The following ARMC8 variants were observed in gnomAD, a reference collection of about 807,000 sequenced individuals.
ARMC8 encodes the protein armadillo repeat containing 8, also known as armadillo repeat-containing protein 8.
A neutral mutation model predicts 99.3 loss-of-function variants in ARMC8; 20 were observed. That is an observed-to-expected ratio of 0.20 (90% confidence interval 0.14 to 0.29). ARMC8 has a LOEUF of 0.29. Ranked by LOEUF, ARMC8 falls within the 10% of genes least tolerant of loss-of-function variation. The probability of loss-of-function intolerance (pLI) is 1.00; values close to 1 mark genes in which losing one functional copy is unlikely to be tolerated. For synonymous variants in ARMC8, 263 were observed against 278.3 expected (o/e 0.95, Z 0.55); for missense variants, 569 against 809.5 (o/e 0.70, Z 3.60).
chr3:138,262,913 T>A (rs2047897266), intron 12 of ARMC8, among the ~76,000 whole-genome samples: 1 of 152,208 alleles, frequency 6.6e-6, no homozygotes, highest in African/African-American at 2.4e-5. Flanking sequence ...AGCTGTGTGA[T>A]TACAGGAAAG....
chr3:138,281,173 G>A (rs1427115489), intron 18 of ARMC8, among the ~76,000 whole-genome samples: 2 of 151,746 alleles, frequency 1.3e-5, no homozygotes, highest in Non-Finnish European at 2.9e-5. Context: ...ATTTCCAGTT[G>A]TTCATATTAG....
At chr3:138,246,395 A>G (rs971239842) in intron 12 of ARMC8, 4 of 985,202 alleles carry the variant, frequency 4.1e-6, no homozygotes, top group Admixed American at 6.2e-5. Context: ...CAAAGCAAAC[A>G]TACTAGTGAT....
At chr3:138,209,984 A>T (rs750209677) in intron 2 of ARMC8, 91 bp downstream of exon 2, 1 of 923,102 alleles carries the variant, frequency 1.1e-6, no homozygotes. Flanking sequence ...ATACAGGGTT[A>T]TACCTTTTTT....
At position 138,289,035 on chromosome 3, in the gene ARMC8, T is replaced by C. The variant is rs2050700176; in HGVS notation, c.1822-13T>C. 6.2e-7 allele frequency: 1 copy of C among 1,606,780 alleles called. No individual in the cohort carries two copies. The highest frequency in any genetic ancestry group is 1.7e-5 in the Admixed American group (1 of 59,090). On this transcript the variant is annotated splice_polypyrimidine_tract_variant and intron_variant, in intron 19 of 21. Coordinates refer to ENST00000469044, the MANE Select transcript of ARMC8 (RefSeq NM_001363941.2). Reference sequence around the variant, plus strand: ...CACCATTTTGATTTTTTTTTCTTTTTCTGTATTAATAGGGCCATTCACATG... The same window carrying C: ...CACCATTTTGATTTTTTTTTCTTTTCCTGTATTAATAGGGCCATTCACATG...
At chr3:138,276,789 C>T (rs537490924) in intron 18 of ARMC8, among the ~76,000 whole-genome samples, 5 of 151,970 alleles carry the variant, frequency 3.3e-5, no homozygotes, top group Non-Finnish European at 7.4e-5. Context: ...AGAGATATAC[C>T]ATGCTAAAAT....
intron 2 of ARMC8, among the ~76,000 whole-genome samples, chr3:138,215,030 C>T (rs2044931782): frequency 6.6e-6 from 1 of 152,150 alleles, no homozygotes; most frequent in Non-Finnish European, 1.5e-5. Context: ...CTGCATCTTA[C>T]TTATTTAAAA....
chr3:138,200,524 G>C (rs895562125), intron 1 of ARMC8, among the ~76,000 whole-genome samples: 1 of 152,096 alleles, frequency 6.6e-6, no homozygotes, highest in Non-Finnish European at 1.5e-5. Context: ...GTGGAAAGTT[G>C]GGGGATGTGT....
At chr3:138,262,677 T>A in intron 12 of ARMC8, 1 of 1,281,540 alleles carries the variant, frequency 7.8e-7, no homozygotes, top group African/African-American at 1.6e-5. Flanking sequence ...GGCCTGGACA[T>A]AGGATTAAAA....
chr3:138,212,979 G>A lies in ARMC8; in HGVS notation c.122+3086G>A, dbSNP rs149455728. Among the ~76,000 whole-genome samples, 3 of 152,242 alleles carry A rather than the reference G, an allele frequency of 2.0e-5. No individual in the cohort carries two copies. The East Asian group carries it at 5.8e-4, about 29-fold the overall frequency. Reference sequence around the variant, plus strand: ...TTTGATTTTTCTCAATAAATGTTGTGAACATATACGAGGCATGGTGGAAGG... The same window carrying A: ...TTTGATTTTTCTCAATAAATGTTGTAAACATATACGAGGCATGGTGGAAGG... On this transcript the variant is annotated intron_variant, in intron 2 of 21. Coordinates refer to ENST00000469044, the MANE Select transcript of ARMC8 (RefSeq NM_001363941.2).
At chr3:138,257,464 T>A (rs1019681811) in intron 12 of ARMC8, among the ~76,000 whole-genome samples, 2 of 152,192 alleles carry the variant, frequency 1.3e-5, no homozygotes, top group African/African-American at 4.8e-5. Context: ...TGGTTTTCCA[T>A]TTGGGGCAAT....
At chr3:138,274,109 G>A (rs1039359935) in intron 17 of ARMC8, among the ~76,000 whole-genome samples, 6 of 152,042 alleles carry the variant, frequency 3.9e-5, no homozygotes, top group Non-Finnish European at 8.8e-5. Flanking sequence ...TGAGCGTACC[G>A]TACTTGGCCT....
At chr3:138,269,621 A>G (rs1035458345) in intron 15 of ARMC8, among the ~76,000 whole-genome samples, 2 of 152,148 alleles carry the variant, frequency 1.3e-5, no homozygotes, top group African/African-American at 4.8e-5. Flanking sequence ...ATATTACTTC[A>G]TAGAGTTCGT....
Position 138,296,917 on chromosome 3 carries a change from T to C in ARMC8, c.*1025T>C, listed in dbSNP as rs1482036483. On this transcript the variant is annotated 3_prime_UTR_variant, in exon 22 of 22. Transcript: ENST00000469044. ...ATTTAGAACCAGTCATGGAAACTTG[T>C]GCTCAAACTAAAAGTAGGTCATCAC... 1 of 152,202 alleles carries C rather than the reference T, an allele frequency of 6.6e-6. No homozygotes were observed. Among genetic ancestry groups the C allele is most frequent in the Non-Finnish European group, 1.5e-5 (1 of 68,036 alleles). 9.4% of individuals were successfully genotyped at this position (152,202 alleles called of 1,614,324 possible). A position where few individuals can be genotyped will look rare whatever the true frequency, so the allele number is the denominator to read the frequency against.
intron 15 of ARMC8, among the ~76,000 whole-genome samples, chr3:138,268,050 C>G (rs2048440101): frequency 1.3e-5 from 2 of 152,052 alleles, no homozygotes; most frequent in African/African-American, 4.8e-5. Flanking sequence ...TGAGACCAGC[C>G]TGGCCAACAT....
chr3:138,294,571 A>G (rs2051289739), intron 21 of ARMC8, among the ~76,000 whole-genome samples: 2 of 152,214 alleles, frequency 1.3e-5, no homozygotes, highest in Admixed American at 1.3e-4. Flanking sequence ...ACCACTTAAA[A>G]AACTGTTGTG....
At chr3:138,203,854 C>A (rs1399380662) in intron 1 of ARMC8, among the ~76,000 whole-genome samples, 1 of 152,218 alleles carries the variant, frequency 6.6e-6, no homozygotes, top group African/African-American at 2.4e-5. Flanking sequence ...TTCTCCCCAG[C>A]TCTCTTATTC....
intron 1 of ARMC8, among the ~76,000 whole-genome samples, chr3:138,201,221 T>A (rs1053768160): frequency 6.7e-6 from 1 of 149,008 alleles, no homozygotes; most frequent in East Asian, 2.0e-4. Context: ...TTTTTTTTTT[T>A]AATGTTAGTT....
intron 3 of ARMC8, 136 bp from the exon 4 acceptor site, chr3:138,223,253 T>C: frequency 1.4e-6 from 1 of 729,264 alleles, no homozygotes; most frequent in South Asian, 2.1e-5. Flanking sequence ...GCAGATGAGA[T>C]AAACAAATGA....
At chr3:138,280,095 G>C (rs1238567445) in intron 18 of ARMC8, among the ~76,000 whole-genome samples, 1 of 151,756 alleles carries the variant, frequency 6.6e-6, no homozygotes, top group Non-Finnish European at 1.5e-5. Flanking sequence ...GTAGATATGG[G>C]GTTTCACCAT....
Sources: allele counts gnomAD v4.1 joint callset (sites outside exome capture counted in the v4.1 genomes callset), GRCh38; gene constraint gnomAD v4.1.1; transcripts MANE v1.5; gene names NCBI Gene and HGNC (gene_info 2026-07-23, HGNC 2026-07-21).